Variants in GKN2 observed in about 807,000 individuals in gnomAD.
GKN2 encodes the protein gastrokine-2.
GKN2 carries 17 observed loss-of-function variants against 22.7 expected under a neutral mutation model. The ratio of observed to expected loss-of-function variants is 0.75; its 90% CI spans 0.51 to 1.13. The LOEUF (loss-of-function observed/expected upper bound fraction) is 1.13. GKN2 is among the 50% of genes most tolerant of loss of function. The probability of loss-of-function intolerance (pLI) is 0.00; values close to 1 mark genes in which losing one functional copy is unlikely to be tolerated. For missense variants in GKN2, 248 were observed against 221.4 expected, an observed-to-expected ratio of 1.12 and a Z score of -0.76; for synonymous variants, 82 against 79.6, an observed-to-expected ratio of 1.03 and a Z score of -0.16.
At chr2:68,949,566 C>T (rs1463307911) in intron 3 of GKN2, among the ~76,000 whole-genome samples, 1 of 151,800 alleles carries the variant, frequency 6.6e-6, no homozygotes, top group African/African-American at 2.4e-5. Flanking sequence ...ACCACAGGCC[C>T]GCACCACCAC....
At chr2:68,946,571 T>C in intron 4 of GKN2, 111 bp from the exon 5 acceptor site, 1 of 866,110 alleles carries the variant, frequency 1.2e-6, no homozygotes, top group South Asian at 2.1e-5. Flanking sequence ...TAGAAAGAAC[T>C]TAGGGATCTC....
Position 68,950,010 on chromosome 2 carries a change from A to G in GKN2, c.204+116T>C, listed in dbSNP as rs573190122. On this transcript the variant is annotated intron_variant, in intron 3 of 5. Coordinates refer to ENST00000328895, the MANE Select transcript of GKN2 (RefSeq NM_182536.3). ...AGAAAAGTGAAAGTGAGGAATTCTT[A>G]AAGAATTGCAAGGTTAAGTCTAAGA... 3.8e-6 allele frequency: 3 copies of G among 781,240 alleles called. No individual in the cohort carries two copies. In the African/African-American group the frequency reaches 5.4e-5, roughly 14 times the overall value. 48.4% of individuals were successfully genotyped at this position (781,240 alleles called of 1,614,324 possible). A position where few individuals can be genotyped will look rare whatever the true frequency, so the allele number is the denominator to read the frequency against.
At chr2:68,948,867 A>G (rs1669813209) in intron 3 of GKN2, among the ~76,000 whole-genome samples, 1 of 152,222 alleles carries the variant, frequency 6.6e-6, no homozygotes, top group African/African-American at 2.4e-5. Context: ...GCTTAAAGCA[A>G]ATCCTCACTT....
At position 68,950,258 on chromosome 2, in the gene GKN2, A is replaced by G; in HGVS notation, c.72T>C (p.Phe24=). The change falls in exon 3 of 6, where the codon TTT becomes TTC. Residue 24 remains phenylalanine, a synonymous_variant. Coordinates refer to ENST00000328895, the MANE Select transcript of GKN2 (RefSeq NM_182536.3). The stretch of plus-strand genomic sequence containing the variant: ...CATTGTTGCTTGGGCTGATGATGTT[A>G]AAAACCTAGATTGAAAAGAAAGACA... ...FGIQSHGYEV[F]NIISPSNNGG... The G allele has an allele frequency of 6.2e-7, 1 of 1,605,592 alleles. No homozygotes were observed. The highest frequency in any genetic ancestry group is 1.3e-5 in the African/African-American group (1 of 74,562).
At chr2:68,952,717 T>C in intron 1 of GKN2, 133 bp downstream of exon 1, 5 of 737,130 alleles carry the variant, frequency 6.8e-6, no homozygotes, top group Non-Finnish European at 1.0e-5. Flanking sequence ...AAGATGTCAT[T>C]AATTCAATCA....
At position 68,946,248 on chromosome 2, in the gene GKN2, G is replaced by A. The variant is rs775939017; in HGVS notation, c.472+56C>T. 4.2e-5 allele frequency: 62 copies of A among 1,485,666 alleles called. No individual in the cohort carries two copies. In the South Asian group the frequency reaches 7.7e-4, roughly 18 times the overall value. 92.0% of individuals were successfully genotyped at this position (1,485,666 alleles called of 1,614,324 possible). A position where few individuals can be genotyped will look rare whatever the true frequency, so the allele number is the denominator to read the frequency against. ...TCACTTGGCACCCAACAGAGCACCTGGCACATAGTAGCTTTCAGAAAATAT... is the reference window on the plus strand; with the variant it reads ...TCACTTGGCACCCAACAGAGCACCTAGCACATAGTAGCTTTCAGAAAATAT... On this transcript the variant is annotated intron_variant, in intron 5 of 5. Transcript: ENST00000328895.
intron 3 of GKN2, among the ~76,000 whole-genome samples, chr2:68,948,914 T>C (rs1669814927): frequency 6.6e-6 from 1 of 152,236 alleles, no homozygotes; most frequent in Non-Finnish European, 1.5e-5. Flanking sequence ...GGGATTTCCA[T>C]GACAGTTGCT....
At position 68,946,467 on chromosome 2, in the gene GKN2, C is replaced by T. The variant is rs748697492; in HGVS notation, c.316-7G>A. On this transcript the variant is annotated splice_polypyrimidine_tract_variant and splice_region_variant and intron_variant, in intron 4 of 5. Coordinates refer to ENST00000328895, the MANE Select transcript of GKN2 (RefSeq NM_182536.3). ...AGAACATGTTGTCCAGAGCCTAGAT[C>T]GGTATAACAGAAAAGAACAACATAA... 12 of 1,585,506 alleles carry T rather than the reference C, an allele frequency of 7.6e-6. No homozygotes were observed. Among genetic ancestry groups the T allele is most frequent in the African/African-American group, 4.1e-5 (3 of 73,492 alleles).
intron 4 of GKN2, 87 bp downstream of exon 4, chr2:68,947,060 C>A: frequency 1.3e-6 from 1 of 795,674 alleles, no homozygotes; most frequent in South Asian, 1.5e-5. Context: ...ATAGTATGAT[C>A]TTCTCCCTCA....
chr2:68,952,815 C>G, intron 1 of GKN2, 35 bp downstream of exon 1: 1 of 1,612,672 alleles, frequency 6.2e-7, no homozygotes, highest in Non-Finnish European at 8.5e-7. Context: ...AAGCAGTCAC[C>G]ACAAGAGTAT....
Position 68,948,134 on chromosome 2 carries a change from T to A in GKN2, c.205-877A>T, listed in dbSNP as rs557352812. Among the ~76,000 whole-genome samples the A allele has an allele frequency of 2.1e-4, 32 of 151,454 alleles. No individual in the cohort carries two copies. In the East Asian group the frequency reaches 4.9e-3, roughly 23 times the overall value. On this transcript the variant is annotated intron_variant, in intron 3 of 5. Coordinates refer to ENST00000328895, the MANE Select transcript of GKN2 (RefSeq NM_182536.3). ...GGTGGCGGGCACCTGTAGTCCCAGC[T>A]ACTCGGGAGGCTGAGGCAGGAGAAT...
rs1669761826 is a variant in GKN2, at chr2:68,946,196, T to G, written c.472+108A>C. 4.3e-6 allele frequency: 4 copies of G among 924,466 alleles called. No individual in the cohort carries two copies. The South Asian group carries it at 7.5e-5, about 17-fold the overall frequency. 57.3% of individuals were successfully genotyped at this position (924,466 alleles called of 1,614,324 possible). ...AATTAATTCCCAAAGCAAACTGAAC[T>G]GAGTACTGTTCCCATTTATTTGCAT... On this transcript the variant is annotated intron_variant, in intron 5 of 5. Transcript: ENST00000328895.
Position 68,952,858 on chromosome 2 carries a change from T to A in GKN2, c.4A>T (p.Lys2Ter), listed in dbSNP as rs200894742. ...CAGAAACAAATACTCACAAGTATTT[T>A]CATTTTGCCTGGGAGAGGAAGGTGC... The part of the protein sequence containing the change: M[K>*]ILVAFLVVLT... Residue 2 changes from lysine (K) to a stop codon, truncating the protein, a stop_gained, in exon 1 of 6, where the codon AAA becomes TAA. Transcript: ENST00000328895. LOFTEE classifies it high-confidence loss of function. 6.4e-5 allele frequency: 103 copies of A among 1,613,926 alleles called. No homozygotes were observed. Among genetic ancestry groups the A allele is most frequent in the Non-Finnish European group, 8.2e-5 (97 of 1,179,968 alleles).
Position 68,946,318 on chromosome 2 carries a change from A to G in GKN2, c.458T>C (p.Val153Ala). 2.5e-6 allele frequency: 4 copies of G among 1,608,430 alleles called. No individual in the cohort carries two copies. The highest frequency in any genetic ancestry group is 3.4e-6 in the Non-Finnish European group (4 of 1,178,540). Reference protein sequence around the residue: ...CKHIPLYKGEVVENTHNVGAG... With the variant: ...CKHIPLYKGEAVENTHNVGAG... ...TTGGTACTCACGTGTGTTTTCAACC[A>G]CTTCCCCCTTATACAAAGGGATATG... The change falls in exon 5 of 6, where the codon GTG (valine) becomes GCG (alanine). Residue 153 changes from valine (V) to alanine (A), a missense_variant. Transcript: ENST00000328895.
At chr2:68,945,628 T>G in intron 5 of GKN2, 178 bp from the exon 6 acceptor site, 1 of 488,932 alleles carries the variant, frequency 2.0e-6, no homozygotes, top group Non-Finnish European at 3.7e-6. Flanking sequence ...TTTATTTACT[T>G]TATGAATGAG....
Position 68,950,265 on chromosome 2 carries a change from TA to T in GKN2, c.67-3del. ...GCTTGGGCTGATGATGTTAAAAACC[TA>T]GATTGAAAAGAAAGACAAAATGTTT... is the stretch of plus-strand genomic sequence containing the variant. On this transcript the variant is annotated splice_region_variant and splice_polypyrimidine_tract_variant and intron_variant, in intron 2 of 5. Coordinates refer to ENST00000328895, the MANE Select transcript of GKN2 (RefSeq NM_182536.3). 6.2e-7 allele frequency: 1 copy of T among 1,600,284 alleles called. No individual in the cohort carries two copies. Among genetic ancestry groups the T allele is most frequent in the Non-Finnish European group, 8.5e-7 (1 of 1,175,842 alleles).
intron 1 of GKN2, among the ~76,000 whole-genome samples, chr2:68,951,577 T>C (rs962426355): frequency 1.3e-5 from 2 of 152,196 alleles, no homozygotes; most frequent in Non-Finnish European, 2.9e-5. Context: ...AAGGGGGATA[T>C]TTTTAAGAAC....
At chr2:68,945,489 A>G in intron 5 of GKN2, 39 bp from the exon 6 acceptor site, 1 of 1,394,014 alleles carries the variant, frequency 7.2e-7, no homozygotes, top group Non-Finnish European at 1.0e-6. Flanking sequence ...GAGCATTAAA[A>G]AATATATTAT....
At chr2:68,952,055 G>A (rs1002794623) in intron 1 of GKN2, among the ~76,000 whole-genome samples, 6 of 152,218 alleles carry the variant, frequency 3.9e-5, no homozygotes, top group African/African-American at 1.4e-4. Flanking sequence ...GAGAATAAAG[G>A]ACAGAGACTA....
Sources: gnomAD v4.1 joint callset for allele counts (sites outside exome capture counted in the v4.1 genomes callset) on GRCh38, gnomAD v4.1.1 for gene constraint, MANE v1.5 for transcripts, NCBI Gene and HGNC (gene_info 2026-07-23, HGNC 2026-07-21) for gene names.